The following AGBL2 variants were observed in gnomAD, a reference collection of about 807,000 sequenced individuals.
AGBL2 encodes AGBL carboxypeptidase 2, also known as cytosolic carboxypeptidase 2.
A neutral mutation model predicts 103.0 loss-of-function variants in AGBL2; 87 were observed. That is an observed-to-expected ratio of 0.84 (90% CI 0.71 to 1.01). The LOEUF is 1.01. Ranked by LOEUF, AGBL2 falls within the 50% of genes least tolerant of loss-of-function variation. AGBL2 has a pLI of 0.00. For missense variants in AGBL2, 904 were observed against 1,023.5 expected (o/e 0.88, Z 1.59); for synonymous variants, 335 against 356.7 (o/e 0.94, Z 0.69).
chr11:47,696,014 A>AG (rs2097469343), intron 8 of AGBL2, among the ~76,000 whole-genome samples: 1 of 26,860 alleles, frequency 3.7e-5, no homozygotes, highest in African/African-American at 1.4e-4. Context: ...AAAATACAAA[A>AG]AAAAAAAAAA....
chr11:47,710,909 C>CAAAAA, intron 3 of AGBL2: 1 of 332,574 alleles, frequency 3.0e-6, no homozygotes, highest in South Asian at 2.2e-5. Context: ...GATCCTGTCT[C>CAAAAA]AAAAAAAAAA....
chr11:47,670,305 C>T (rs770283000), intron 14 of AGBL2, among the ~76,000 whole-genome samples: 10 of 152,050 alleles, frequency 6.6e-5, no homozygotes, highest in Non-Finnish European at 1.2e-4. Flanking sequence ...TACAGTACGT[C>T]GCTGTATCTA....
intron 10 of AGBL2, among the ~76,000 whole-genome samples, chr11:47,687,551 C>T (rs748262733): frequency 1.3e-5 from 2 of 150,764 alleles, no homozygotes; most frequent in Non-Finnish European, 3.0e-5. Flanking sequence ...TGAACTCCGT[C>T]TCAAAAAAAA....
intron 8 of AGBL2, among the ~76,000 whole-genome samples, chr11:47,698,956 G>A (rs2097487429): frequency 7.6e-6 from 1 of 131,782 alleles, no homozygotes; most frequent in African/African-American, 2.9e-5. Context: ...TATGACTTCA[G>A]TAGGAATGGC....
intron 8 of AGBL2, among the ~76,000 whole-genome samples, chr11:47,697,625 A>C (rs1237872028): frequency 4.2e-5 from 6 of 142,516 alleles, no homozygotes; most frequent in Non-Finnish European, 7.5e-5. Context: ...GGCTCACTGC[A>C]AGCTGTGCCT....
Position 47,699,459 on chromosome 11 carries a change from A to G in AGBL2, c.681T>C (p.Tyr227=). 1 of 1,560,904 alleles carries G rather than the reference A, an allele frequency of 6.4e-7. No individual in the cohort carries two copies. Among genetic ancestry groups the G allele is most frequent in the Non-Finnish European group, 8.8e-7 (1 of 1,135,340 alleles). Residue 227 remains tyrosine, a synonymous_variant, in exon 8 of 19, where the codon TAT becomes TAC. Coordinates refer to ENST00000525123, the MANE Select transcript of AGBL2 (RefSeq NM_024783.4). Reference sequence around the variant, plus strand: ...TAATGACAATACCTGAATCTAATTGATAGACAACTGTTCCTTTTTTCTCTC... The same window carrying G: ...TAATGACAATACCTGAATCTAATTGGTAGACAACTGTTCCTTTTTTCTCTC... The part of the protein sequence containing the change: ...IVGEKKGTVV[Y]QLDSVPIEGS...
chr11:47,705,437 G>T, intron 6 of AGBL2, 84 bp downstream of exon 6: 1 of 192,488 alleles, frequency 5.2e-6, no homozygotes, highest in Non-Finnish European at 1.1e-5. Flanking sequence ...TCTGAGTTCA[G>T]GAGTTCGAGA....
chr11:47,662,245 T>G (rs2097329931), intron 18 of AGBL2, among the ~76,000 whole-genome samples: 1 of 150,408 alleles, frequency 6.6e-6, no homozygotes, highest in East Asian at 2.0e-4. Context: ...GCAATCTTGG[T>G]TCACTGCAAA....
chr11:47,698,991 A>C (rs2097487855), intron 8 of AGBL2, among the ~76,000 whole-genome samples: 1 of 149,584 alleles, frequency 6.7e-6, no homozygotes, highest in Non-Finnish European at 1.5e-5. Context: ...AAAAAGAATG[A>C]GTATTTTGTT....
intron 8 of AGBL2, 145 bp from the exon 9 acceptor site, chr11:47,692,401 AATC>A: frequency 3.6e-6 from 1 of 279,096 alleles, no homozygotes; most frequent in Non-Finnish European, 6.3e-6. Context: ...AGAGACTTTT[AATC>A]TTTTTTTTTT....
intron 4 of AGBL2, among the ~76,000 whole-genome samples, chr11:47,707,525 C>T (rs2097524951): frequency 1.3e-5 from 2 of 152,160 alleles, no homozygotes; most frequent in South Asian, 4.1e-4. Flanking sequence ...GACTTATTCA[C>T]TATCACAAGG....
intron 10 of AGBL2, among the ~76,000 whole-genome samples, 153 bp downstream of exon 10, chr11:47,689,923 C>T (rs2097438299): frequency 6.6e-6 from 1 of 152,094 alleles, no homozygotes; most frequent in Admixed American, 6.6e-5. Context: ...TTAACAAAGT[C>T]ACTTGACTAC....
chr11:47,690,695 G>A lies in AGBL2; in HGVS notation c.1012C>T (p.Pro338Ser). Residue 338 changes from proline (P) to serine (S), a missense_variant, in exon 10 of 19, where the codon CCA becomes TCA. Pro to Ser is a moderately conservative substitution (Grantham distance 74, BLOSUM62 -1). Coordinates refer to ENST00000525123, the MANE Select transcript of AGBL2 (RefSeq NM_024783.4). ...PKSLYTVGMK[P>S]LLYSQLDANT... The stretch of plus-strand genomic sequence containing the variant: ...GCATCCAATTGGGAGTACAAGAGTG[G>A]CTTCATCCCTACAGTATAAAGACTC... 1.9e-6 allele frequency: 3 copies of A among 1,614,126 alleles called. No individual in the cohort carries two copies. Among genetic ancestry groups the A allele is most frequent in the African/African-American group, 1.3e-5 (1 of 75,032 alleles).
At chr11:47,704,846 TGA>T in intron 6 of AGBL2, 118 bp from the exon 7 acceptor site, 1 of 735,650 alleles carries the variant, frequency 1.4e-6, no homozygotes, top group East Asian at 2.8e-5. Flanking sequence ...CACAGATATG[TGA>T]TTCTCTGACA....
chr11:47,664,060 G>A (rs2097334843), intron 17 of AGBL2, among the ~76,000 whole-genome samples: 1 of 151,708 alleles, frequency 6.6e-6, no homozygotes, highest in Non-Finnish European at 1.5e-5. Flanking sequence ...TCACCATGTT[G>A]GCTGGGCTGG....
In AGBL2 at chr11:47,692,165, T is replaced by TTC. The variant is rs771089488; in HGVS notation, c.784_785dup (p.Asp263LysfsTer22). 3 of 1,613,908 alleles carry TTC rather than the reference T, an allele frequency of 1.9e-6. No homozygotes were observed. In the South Asian group the frequency reaches 3.3e-5, roughly 18 times the overall value. ...TTGATTCAAACAGTAGAGTATTATC[T>TTC]TCTGGTCCTTGCAACGTGACAGCAA... On this transcript the variant is annotated frameshift_variant, in exon 9 of 19. Transcript: ENST00000525123. LOFTEE classifies it high-confidence loss of function.
At chr11:47,697,121 G>T (rs1428713287) in intron 8 of AGBL2, among the ~76,000 whole-genome samples, 1 of 151,986 alleles carries the variant, frequency 6.6e-6, no homozygotes. Flanking sequence ...TAGAAACAGG[G>T]TTTCACCATG....
At chr11:47,705,731 G>T in intron 5 of AGBL2, 97 bp from the exon 6 acceptor site, 1 of 726,056 alleles carries the variant, frequency 1.4e-6, no homozygotes, top group Non-Finnish European at 2.4e-6. Context: ...AAAGGCTGAG[G>T]GTCCTTCAGT....
chr11:47,661,037 A>G (rs1350994440), intron 18 of AGBL2, among the ~76,000 whole-genome samples: 2 of 152,314 alleles, frequency 1.3e-5, no homozygotes, highest in East Asian at 1.9e-4. Context: ...TTACACAAGT[A>G]TCACACTATA....
Sources: allele counts gnomAD v4.1 joint callset (sites outside exome capture counted in the v4.1 genomes callset), GRCh38; gene constraint gnomAD v4.1.1; transcripts MANE v1.5; gene names NCBI Gene and HGNC (gene_info 2026-07-23, HGNC 2026-07-21).